Variants in GAN observed in about 807,000 individuals in gnomAD.
GAN encodes the protein gigaxonin.
GAN carries 48 observed loss-of-function variants against 71.3 expected under a neutral mutation model. The ratio of observed to expected loss-of-function variants is 0.67; its 90% CI spans 0.53 to 0.86. The LOEUF is 0.86. GAN is among the 40% of genes least tolerant of loss of function. The pLI is 0.00. For synonymous variants in GAN, 386 were observed against 276.8 expected (o/e 1.39, Z -3.92); for missense variants, 928 against 770.1 (o/e 1.21, Z -2.43).
intron 1 of GAN, among the ~76,000 whole-genome samples, chr16:81,349,428 C>T (rs1910226403): frequency 6.6e-6 from 1 of 152,106 alleles, no homozygotes; most frequent in Non-Finnish European, 1.5e-5. Flanking sequence ...GTGGGCAGAT[C>T]AGTTTAGGAG....
chr16:81,365,537 T>G (rs745759658), intron 9 of GAN, 59 bp downstream of exon 9: 54 of 1,543,598 alleles, frequency 3.5e-5, no homozygotes, highest in Non-Finnish European at 4.7e-5. Flanking sequence ...TTCAGTCGTA[T>G]TTTAGCTTTG....
chr16:81,340,028 T>G (rs1335978229), intron 1 of GAN, among the ~76,000 whole-genome samples: 1 of 152,186 alleles, frequency 6.6e-6, no homozygotes, highest in African/African-American at 2.4e-5. Context: ...TTTCAGGAAG[T>G]CTCTTATTCC....
intron 9 of GAN, among the ~76,000 whole-genome samples, chr16:81,367,045 G>C (rs1026433397): frequency 6.6e-6 from 1 of 151,906 alleles, no homozygotes; most frequent in Non-Finnish European, 1.5e-5. Flanking sequence ...GGTTGGTCTC[G>C]AACTCCTGAC....
In GAN at chr16:81,325,593, C is replaced by T. The variant is rs547238383; in HGVS notation, c.167+10313C>T. On this transcript the variant is annotated intron_variant, in intron 1 of 10. Coordinates refer to ENST00000648994, the MANE Select transcript of GAN (RefSeq NM_022041.4). Reference sequence around the variant, plus strand: ...ATTTAGTTGCTGTGTATCTACAGGACCAGGAAGGGATGAACATGGAGCTAC... The same window carrying T: ...ATTTAGTTGCTGTGTATCTACAGGATCAGGAAGGGATGAACATGGAGCTAC... Among the ~76,000 whole-genome samples the T allele has an allele frequency of 4.6e-5, 7 of 152,178 alleles. No individual in the cohort carries two copies. In the East Asian group the frequency reaches 9.7e-4, roughly 21 times the overall value.
rs145633929 is a variant in GAN, at chr16:81,344,580, A to G, written c.168-7003A>G. Among the ~76,000 whole-genome samples the G allele has an allele frequency of 7.8e-4, 118 of 152,176 alleles. 1 individual carries two copies. Among genetic ancestry groups the G allele is most frequent in the African/African-American group, 2.7e-3 (111 of 41,526 alleles). ...GCCGTATGCAGAAAACTGAAACTGG[A>G]CCTTCTTACATCTTATACAAAAATC... On this transcript the variant is annotated intron_variant, in intron 1 of 10. Transcript: ENST00000648994.
rs1904372420 is a variant in GAN at position 81,385,477 on chromosome 16, G to T, written c.*7881G>T. 6.6e-6 allele frequency: 1 copy of T among 152,178 alleles called. No homozygotes were observed. 9.4% of individuals were successfully genotyped at this position (152,178 alleles called of 1,614,324 possible). A position where few individuals can be genotyped will look rare whatever the true frequency, so the allele number is the denominator to read the frequency against. On this transcript the variant is annotated 3_prime_UTR_variant, in exon 11 of 11. Transcript: ENST00000648994. Reference sequence around the variant, plus strand: ...CTTGGGAAGCTCTTAAGGCTCCCAAGGCTCCGTTTCTTATGTGGAAGAAGA... The same window carrying T: ...CTTGGGAAGCTCTTAAGGCTCCCAATGCTCCGTTTCTTATGTGGAAGAAGA...
intron 5 of GAN, among the ~76,000 whole-genome samples, chr16:81,361,322 C>T (rs1910665849): frequency 6.6e-6 from 1 of 152,220 alleles, no homozygotes; most frequent in Non-Finnish European, 1.5e-5. Context: ...TAAGGTCCTT[C>T]TACAGAAGTT....
At chr16:81,329,948 C>T (rs1368963264) in intron 1 of GAN, among the ~76,000 whole-genome samples, 22 of 152,332 alleles carry the variant, frequency 1.4e-4, no homozygotes, top group Non-Finnish European at 7.4e-5. Flanking sequence ...GTGGGCTGTC[C>T]TCCATTGACT....
intron 1 of GAN, among the ~76,000 whole-genome samples, chr16:81,350,363 T>C (rs1397086709): frequency 6.6e-6 from 1 of 152,172 alleles, no homozygotes; most frequent in Non-Finnish European, 1.5e-5. Context: ...CAGATTCAAA[T>C]GTTGTAGAGT....
At chr16:81,342,518 C>T (rs999127476) in intron 1 of GAN, among the ~76,000 whole-genome samples, 4 of 152,162 alleles carry the variant, frequency 2.6e-5, no homozygotes, top group African/African-American at 7.2e-5. Flanking sequence ...GAACAACTTG[C>T]TCCTGAATGA....
Position 81,356,787 on chromosome 16 carries a change from C to G in GAN, c.636C>G (p.Val212=). The part of the protein sequence containing the change: ...WIAHDTEIRK[V]HMKDVMSALW... The stretch of plus-strand genomic sequence containing the variant: ...CATCTTTCTTCCCTCTTCTGCAGGT[C>G]CACATGAAGGATGTTATGTCAGCTC... The change falls in exon 4 of 11, where the codon GTC becomes GTG. Residue 212 remains valine, a splice_region_variant and synonymous_variant. Transcript: ENST00000648994. 2 of 1,605,152 alleles carry G rather than the reference C, an allele frequency of 1.2e-6. No homozygotes were observed. The highest frequency in any genetic ancestry group is 1.7e-6 in the Non-Finnish European group (2 of 1,171,852).
In GAN at chr16:81,378,209, C is replaced by G. The variant is rs1904288761; in HGVS notation, c.*613C>G. 2 of 155,926 alleles carry G rather than the reference C, an allele frequency of 1.3e-5. No homozygotes were observed. Among genetic ancestry groups the G allele is most frequent in the South Asian group, 1.9e-4 (1 of 5,172 alleles). 9.7% of individuals were successfully genotyped at this position (155,926 alleles called of 1,614,324 possible). ...GAATTGAAATGAAGATAAAATTGCT[C>G]TTTTGTAACTTTATCTTAGTAATGT... On this transcript the variant is annotated 3_prime_UTR_variant, in exon 11 of 11. Transcript: ENST00000648994.
rs148495729 is a variant in GAN at position 81,362,706 on chromosome 16, C to G, written c.1086+95C>G. 1.6e-4 allele frequency: 122 copies of G among 767,110 alleles called. No homozygotes were observed. In the East Asian group the frequency reaches 3.0e-3, roughly 19 times the overall value. 47.5% of individuals were successfully genotyped at this position (767,110 alleles called of 1,614,324 possible). On this transcript the variant is annotated intron_variant, in intron 6 of 10. Coordinates refer to ENST00000648994, the MANE Select transcript of GAN (RefSeq NM_022041.4). ...TCTGAGTTCAGGGAAGAAACGGCAG[C>G]CTTGTCAAGCCACCTGCCTCATTCG...
intron 9 of GAN, among the ~76,000 whole-genome samples, chr16:81,368,464 G>C (rs1034941627): frequency 2.0e-5 from 3 of 152,144 alleles, no homozygotes; most frequent in Non-Finnish European, 4.4e-5. Flanking sequence ...AAAATGAGCT[G>C]AACATGGTAG....
intron 9 of GAN, among the ~76,000 whole-genome samples, chr16:81,367,235 A>G (rs1910888924): frequency 6.6e-6 from 1 of 152,138 alleles, no homozygotes; most frequent in East Asian, 1.9e-4. Flanking sequence ...GTTTAAAAGC[A>G]CTTCTCGCCA....
At chr16:81,354,282 C>G (rs1177600498) in intron 2 of GAN, 123 bp from the exon 3 acceptor site, 4 of 712,916 alleles carry the variant, frequency 5.6e-6, no homozygotes, top group African/African-American at 1.8e-5. Context: ...TATGAAATTG[C>G]CAATATTCGA....
intron 1 of GAN, among the ~76,000 whole-genome samples, chr16:81,315,910 G>C (rs1428165638): frequency 6.6e-6 from 1 of 152,258 alleles, no homozygotes; most frequent in East Asian, 1.9e-4. Flanking sequence ...CTTGCCAAAC[G>C]TGTCTTTTCC....
chr16:81,389,856 C>G lies in GAN; in HGVS notation c.*12260C>G, dbSNP rs1481208161. On this transcript the variant is annotated 3_prime_UTR_variant, in exon 11 of 11. Transcript: ENST00000648994. ...CGAGTATGTGACTGTCACCCTTGTC[C>G]AAGACTGGTTTTTAACAGTCTTGAT... The G allele has an allele frequency of 1.3e-5, 2 of 152,146 alleles. No homozygotes were observed. Among genetic ancestry groups the G allele is most frequent in the Non-Finnish European group, 2.9e-5 (2 of 68,038 alleles). 9.4% of individuals were successfully genotyped at this position (152,146 alleles called of 1,614,324 possible). A position where few individuals can be genotyped will look rare whatever the true frequency, so the allele number is the denominator to read the frequency against.
At chr16:81,324,315 G>C (rs1292732037) in intron 1 of GAN, among the ~76,000 whole-genome samples, 1 of 151,890 alleles carries the variant, frequency 6.6e-6, no homozygotes, top group African/African-American at 2.4e-5. Context: ...TAATTACAGA[G>C]CCATATGAGT....
Sources: allele counts gnomAD v4.1 joint callset (sites outside exome capture counted in the v4.1 genomes callset), GRCh38; gene constraint gnomAD v4.1.1; transcripts MANE v1.5; gene names NCBI Gene and HGNC (gene_info 2026-07-23, HGNC 2026-07-21).